Variants in SPON2 observed in about 807,000 individuals in gnomAD.
SPON2 encodes the protein spondin-2.
A neutral mutation model predicts 29.9 loss-of-function variants in SPON2; 32 were observed. That is an observed-to-expected ratio of 1.07 (90% confidence interval 0.81 to 1.44). The LOEUF is 1.44. SPON2 is among the 40% of genes most tolerant of loss of function. The pLI is 0.00. For synonymous variants in SPON2, 248 were observed against 209.1 expected, an observed-to-expected ratio of 1.19 and a Z score of -1.61; for missense variants, 541 against 455.5, an observed-to-expected ratio of 1.19 and a Z score of -1.71.
chr4:1,176,974 A>G (rs114783385), upstream of SPON2, among the ~76,000 whole-genome samples: 81 of 152,350 alleles, frequency 5.3e-4, no homozygotes, highest in Non-Finnish European at 8.7e-4. Context: ...ACTAGGCCCA[A>G]GGTTGCAGGG....
intron 1 of SPON2, among the ~76,000 whole-genome samples, chr4:1,185,647 G>A (rs1727778013): frequency 7.4e-6 from 1 of 134,366 alleles, no homozygotes; most frequent in Non-Finnish European, 1.5e-5. Flanking sequence ...GGCGGACATT[G>A]CAGTGAGCTG....
At chr4:1,206,396 C>G (rs540277459) in intron 1 of SPON2, among the ~76,000 whole-genome samples, 1 of 152,244 alleles carries the variant, frequency 6.6e-6, no homozygotes, top group South Asian at 2.1e-4. Flanking sequence ...GGCCCCACCA[C>G]TGCTCTGCCA....
chr4:1,191,928 C>A (rs76650972), intron 1 of SPON2, among the ~76,000 whole-genome samples: 13,636 of 152,282 alleles, frequency 0.09, 611 homozygotes, highest in Middle Eastern at 0.12. Context: ...ACACACCCAG[C>A]CTTCAGGCCA....
chr4:1,198,418 A>G (rs1728120071), upstream of SPON2, among the ~76,000 whole-genome samples: 1 of 152,214 alleles, frequency 6.6e-6, no homozygotes, highest in African/African-American at 2.4e-5. Flanking sequence ...CCAAGACATG[A>G]AAGGATGGAA....
chr4:1,204,543 G>C (rs565840045), intron 1 of SPON2, among the ~76,000 whole-genome samples: 1 of 152,326 alleles, frequency 6.6e-6, no homozygotes, highest in African/African-American at 2.4e-5. Context: ...AGCTCCACAC[G>C]GGGCTCCCTA....
Position 1,193,766 on chromosome 4 carries a change from G to A in SPON2, c.-239+1224C>T, listed in dbSNP as rs1314046251. Among the ~76,000 whole-genome samples, 13 of 56,526 alleles carry A rather than the reference G, an allele frequency of 2.3e-4. 1 individual carries two copies. The highest frequency in any genetic ancestry group is 1.3e-3 in the African/African-American group (11 of 8,734). The allele number at this position is 56,526 out of a possible 152,430, so 37.1% of individuals were successfully genotyped here. On this transcript the variant is annotated intron_variant, in intron 1 of 3. Coordinates refer to the SPON2 transcript ENST00000502483. Reference sequence around the variant, plus strand: ...ACGTGGGGGGTGGTGTGGGAAGGACGTGGGGGGTGGCGTGGGAAGGACGTG... The same window carrying A: ...ACGTGGGGGGTGGTGTGGGAAGGACATGGGGGGTGGCGTGGGAAGGACGTG...
intron 1 of SPON2, among the ~76,000 whole-genome samples, chr4:1,194,229 G>C (rs931880791): frequency 1.3e-5 from 2 of 152,244 alleles, no homozygotes; most frequent in African/African-American, 2.4e-5. Flanking sequence ...AAGGGTCTTC[G>C]GCGAGGTGTG....
chr4:1,168,370 G>C (rs1727315845), intron 5 of SPON2, among the ~76,000 whole-genome samples: 1 of 152,212 alleles, frequency 6.6e-6, no homozygotes, highest in African/African-American at 2.4e-5. Flanking sequence ...GTCAGCAAGG[G>C]CTCGGCTCTC....
At chr4:1,189,613 T>C (rs1577906660) in intron 1 of SPON2, among the ~76,000 whole-genome samples, 1 of 117,136 alleles carries the variant, frequency 8.5e-6, no homozygotes, top group African/African-American at 3.3e-5. Context: ...CACTCCAGCC[T>C]GGGCAACAGA....
intron 1 of SPON2, among the ~76,000 whole-genome samples, chr4:1,179,891 T>C (rs1372382065): frequency 3.3e-5 from 5 of 152,220 alleles, no homozygotes; most frequent in South Asian, 2.1e-4. Flanking sequence ...CCTGGGGCTA[T>C]TGTTGAAAAT....
At chr4:1,203,457 G>A (rs2108682653) in intron 1 of SPON2, among the ~76,000 whole-genome samples, 1 of 152,348 alleles carries the variant, frequency 6.6e-6, no homozygotes. Flanking sequence ...TACGGGTGAA[G>A]AATAGTGTGG....
chr4:1,175,026 G>A (rs1302705224), upstream of SPON2, among the ~76,000 whole-genome samples: 1 of 152,210 alleles, frequency 6.6e-6, no homozygotes, highest in Non-Finnish European at 1.5e-5. Flanking sequence ...CCCTCCACGA[G>A]TCCCCAGAGC....
At chr4:1,179,354 A>C (rs771720722) in intron 2 of SPON2, 1 of 152,102 alleles carries the variant, frequency 6.6e-6, no homozygotes, top group South Asian at 2.1e-4. Flanking sequence ...TGCTGCTACT[A>C]TCTGGTTCTA....
chr4:1,195,603 T>C (rs1297208871), upstream of SPON2, among the ~76,000 whole-genome samples: 5 of 152,146 alleles, frequency 3.3e-5, no homozygotes, highest in Admixed American at 6.5e-5. Flanking sequence ...CAAGCAGGGC[T>C]GGAGGGTGGG....
Position 1,170,563 on chromosome 4 carries a change from G to C in SPON2, c.650C>G (p.Ser217Cys). The C allele has an allele frequency of 6.2e-7, 1 of 1,611,586 alleles. No homozygotes were observed. The highest frequency in any genetic ancestry group is 8.5e-7 in the Non-Finnish European group (1 of 1,179,378). The part of the protein sequence containing the change: ...QDTVTEITSS[S>C]PSHPANSFYY... ...GAAGGAGTTGGCCGGGTGGCTGGGAGAGGAGGACGTTATCTGGGGAGGAAG... is the reference window on the plus strand; with the variant it reads ...GAAGGAGTTGGCCGGGTGGCTGGGACAGGAGGACGTTATCTGGGGAGGAAG... The change falls in exon 5 of 6, where the codon TCT (serine) becomes TGT (cysteine). Residue 217 changes from serine to cysteine, a missense_variant. By Grantham distance (112) the Ser-to-Cys change is moderately radical. Transcript: ENST00000290902.
chr4:1,189,073 C>A (rs77116209), intron 1 of SPON2, among the ~76,000 whole-genome samples: 1,646 of 152,096 alleles, frequency 0.011, 40 homozygotes, highest in African/African-American at 0.037. Flanking sequence ...ACACTGAACT[C>A]CTTAGTATCC....
In SPON2 at chr4:1,188,422, G is replaced by A. The variant is rs141562085; in HGVS notation, c.-239+6568C>T. Among the ~76,000 whole-genome samples the A allele has an allele frequency of 1.3e-3, 191 of 152,138 alleles. 5 individuals carry two copies. In the East Asian group the frequency reaches 0.03, roughly 24 times the overall value. On this transcript the variant is annotated intron_variant, in intron 1 of 3. Transcript: ENST00000502483. ...TTAAACACTCCAGTTAAAAAGCAGC[G>A]GATAGAAGGGCTGACTTTTAAGAAC... is the stretch of plus-strand genomic sequence containing the variant.
At chr4:1,201,372 G>A in intron 1 of SPON2, 2 of 331,532 alleles carry the variant, frequency 6.0e-6, no homozygotes, top group Non-Finnish European at 1.2e-5. Context: ...TCCAGGCCAG[G>A]CCTGTGGTCA....
chr4:1,198,739 T>C, upstream of SPON2, among the ~76,000 whole-genome samples: 1 of 152,124 alleles, frequency 6.6e-6, no homozygotes, highest in Admixed American at 6.5e-5. Context: ...ATCAGAGACG[T>C]CATTTCATTA....
Sources: allele counts gnomAD v4.1 joint callset (sites outside exome capture counted in the v4.1 genomes callset), GRCh38; gene constraint gnomAD v4.1.1; transcripts MANE v1.5; gene names NCBI Gene and HGNC (gene_info 2026-07-23, HGNC 2026-07-21).